The following TSC22D1 variants were observed in gnomAD, a reference collection of about 807,000 sequenced individuals.
The protein encoded by TSC22D1 is TSC22 domain family protein 1.
TSC22D1 carries 9 observed loss-of-function variants against 74.2 expected under a neutral mutation model. The ratio of observed to expected loss-of-function variants is 0.12; its 90% CI spans 0.07 to 0.21. The LOEUF (loss-of-function observed/expected upper bound fraction) is 0.21, where lower values mean the gene tolerates loss of function less well. TSC22D1 is among the 10% of genes least tolerant of loss of function. The probability of loss-of-function intolerance (pLI) is 1.00; values close to 1 mark genes in which losing one functional copy is unlikely to be tolerated. For synonymous variants in TSC22D1, 586 were observed against 492.5 expected (o/e 1.19, Z -2.51); for missense variants, 1,427 against 1,304.7 (o/e 1.09, Z -1.44).
In TSC22D1 at chr13:44,550,437, C is replaced by A. The variant is rs552629372; in HGVS notation, c.2912+22726G>T. On this transcript the variant is annotated intron_variant, in intron 1 of 2. Coordinates refer to ENST00000458659, the MANE Select transcript of TSC22D1 (RefSeq NM_183422.4). The stretch of plus-strand genomic sequence containing the variant: ...TCTCTACTAAAAATACAAAAATTAG[C>A]CAGGTGTGGTGGCGCATGCCTGTAA... 7.2e-5 allele frequency among the ~76,000 whole-genome samples: 11 copies of A among 151,994 alleles called. No individual in the cohort carries two copies. The East Asian group carries it at 2.1e-3, about 29-fold the overall frequency.
intron 1 of TSC22D1, among the ~76,000 whole-genome samples, chr13:44,564,204 A>G (rs1883221400): frequency 6.6e-6 from 1 of 152,206 alleles, no homozygotes; most frequent in Non-Finnish European, 1.5e-5. Flanking sequence ...TCTTATGACA[A>G]TATTAACAGT....
At chr13:44,473,192 A>C (rs1877704240) in intron 1 of TSC22D1, among the ~76,000 whole-genome samples, 1 of 152,208 alleles carries the variant, frequency 6.6e-6, no homozygotes, top group Non-Finnish European at 1.5e-5. Flanking sequence ...TTTTACATTC[A>C]TTTAAAACTA....
At chr13:44,478,730 G>GT (rs1404445963) in intron 1 of TSC22D1, among the ~76,000 whole-genome samples, 2 of 152,002 alleles carry the variant, frequency 1.3e-5, no homozygotes, top group African/African-American at 4.8e-5. Flanking sequence ...CTCTACCACG[G>GT]TATCTAGTTT....
rs1179726830 is a variant in TSC22D1, at chr13:44,574,596, A to G, written c.1479T>C (p.Thr493=). ...GCTGCTGCTGCTGCTGCACCACCAC[A>G]GTAGGGGCTCCCATCTCTCCACTTC... ...SVGSGEMGAP[T]VVVQQQQQQQ... is the part of the protein sequence containing the mutation. The change falls in exon 1 of 3, where the codon ACT becomes ACC. Residue 493 remains threonine (T), a synonymous_variant. Coordinates refer to ENST00000458659, the MANE Select transcript of TSC22D1 (RefSeq NM_183422.4). 3 of 1,613,936 alleles carry G rather than the reference A, an allele frequency of 1.9e-6. No homozygotes were observed. The highest frequency in any genetic ancestry group is 2.7e-5 in the African/African-American group (2 of 74,896).
intron 1 of TSC22D1, among the ~76,000 whole-genome samples, chr13:44,506,408 C>T (rs781331217): frequency 1.3e-5 from 2 of 152,114 alleles, no homozygotes; most frequent in African/African-American, 2.4e-5. Flanking sequence ...CGCATGTTCT[C>T]GCTTATAAGT....
intron 1 of TSC22D1, among the ~76,000 whole-genome samples, chr13:44,544,219 A>T (rs1356820970): frequency 1.3e-5 from 2 of 152,230 alleles, no homozygotes; most frequent in African/African-American, 2.4e-5. Context: ...AGATGATACA[A>T]ATGTTAGCCA....
intron 1 of TSC22D1, among the ~76,000 whole-genome samples, chr13:44,467,881 C>A (rs575195341): frequency 5.3e-5 from 8 of 152,046 alleles, no homozygotes; most frequent in African/African-American, 1.4e-4. Context: ...TCCAGCAATC[C>A]CACTACTGGG....
chr13:44,522,352 G>A (rs1468956551), intron 1 of TSC22D1, among the ~76,000 whole-genome samples: 1 of 152,132 alleles, frequency 6.6e-6, no homozygotes, highest in African/African-American at 2.4e-5. Context: ...ATAAAGGAAA[G>A]CAATTAGATA....
intron 1 of TSC22D1, among the ~76,000 whole-genome samples, chr13:44,547,158 C>T (rs929882716): frequency 6.6e-6 from 1 of 152,016 alleles, no homozygotes; most frequent in African/African-American, 2.4e-5. Flanking sequence ...GTTCCATACT[C>T]GACACGCCTA....
intron 1 of TSC22D1, among the ~76,000 whole-genome samples, chr13:44,464,059 A>G (rs1255153398): frequency 6.6e-6 from 1 of 152,180 alleles, no homozygotes; most frequent in African/African-American, 2.4e-5. Flanking sequence ...TGACCTCATG[A>G]GAGACCCTGA....
In TSC22D1 at chr13:44,435,887, T is replaced by TAG. The variant is rs1267951511; in HGVS notation, c.2964+156_2964+157insCT. The TAG allele has an allele frequency of 3.9e-6, 3 of 774,236 alleles. No homozygotes were observed. The Admixed American group carries it at 6.5e-5, about 17-fold the overall frequency. The allele number at this position is 774,236 out of a possible 1,614,324, so 48.0% of individuals were successfully genotyped here. A position where few individuals can be genotyped will look rare whatever the true frequency, so the allele number is the denominator to read the frequency against. On this transcript the variant is annotated intron_variant, in intron 2 of 2. Transcript: ENST00000458659. ...CTCCCTCCACGGCTGCCGTGGTAGG[T>TAG]GGCTCCACGCTGGCCGAATGGAGAC... is the stretch of plus-strand genomic sequence containing the variant.
At chr13:44,434,938 T>C (rs1482264385) in intron 2 of TSC22D1, 55 bp from the exon 3 acceptor site, 13 of 1,473,796 alleles carry the variant, frequency 8.8e-6, no homozygotes, top group Admixed American at 2.0e-5. Flanking sequence ...CTGGACTCTT[T>C]TGAGTTTCCA....
intron 1 of TSC22D1, among the ~76,000 whole-genome samples, chr13:44,483,366 T>G (rs1878271068): frequency 6.6e-6 from 1 of 152,136 alleles, no homozygotes; most frequent in South Asian, 2.1e-4. Flanking sequence ...ATTGCTACTT[T>G]AACAAGAATT....
chr13:44,456,223 A>C (rs1301264880), intron 1 of TSC22D1, among the ~76,000 whole-genome samples: 7 of 152,166 alleles, frequency 4.6e-5, no homozygotes, highest in Non-Finnish European at 1.0e-4. Context: ...TAAAACAACA[A>C]AGCTTCCACG....
In TSC22D1 at chr13:44,575,739, C is replaced by G; in HGVS notation, c.336G>C (p.Gln112His). The change falls in exon 1 of 3, where the codon CAG becomes CAC. Residue 112 changes from glutamine (Q) to histidine (H), a missense_variant. Gln to His is a conservative substitution (Grantham distance 24). Coordinates refer to ENST00000458659, the MANE Select transcript of TSC22D1 (RefSeq NM_183422.4). Reference protein sequence around the residue: ...GTQMKKKSGFQITSVTPAQIS... With the variant: ...GTQMKKKSGFHITSVTPAQIS... ...TCTGAGCAGGAGTAACGCTAGTTAT[C>G]TGGAAGCCACTTTTCTTTTTCATTT... 3 of 1,614,206 alleles carry G rather than the reference C, an allele frequency of 1.9e-6. No homozygotes were observed. Among genetic ancestry groups the G allele is most frequent in the Non-Finnish European group, 2.5e-6 (3 of 1,180,036 alleles).
chr13:44,503,215 TA>T (rs1220062904), intron 1 of TSC22D1, among the ~76,000 whole-genome samples: 1 of 152,158 alleles, frequency 6.6e-6, no homozygotes, highest in East Asian at 1.9e-4. Context: ...ATATCACCAA[TA>T]ATTTTCAAGT....
chr13:44,524,762 C>G (rs867465702), intron 1 of TSC22D1, among the ~76,000 whole-genome samples: 1 of 152,194 alleles, frequency 6.6e-6, no homozygotes, highest in South Asian at 2.1e-4. Context: ...TGGTCTCAAA[C>G]CCCTGACTTC....
chr13:44,493,118 TG>T (rs2137962914), intron 1 of TSC22D1, among the ~76,000 whole-genome samples: 1 of 152,324 alleles, frequency 6.6e-6, no homozygotes, highest in Non-Finnish European at 1.5e-5. Flanking sequence ...ATCTGAACGC[TG>T]GAAAATAGTC....
chr13:44,432,672 G>A lies in TSC22D1; in HGVS notation c.*1954C>T, dbSNP rs897855947. 3.9e-5 allele frequency: 6 copies of A among 152,120 alleles called. No individual in the cohort carries two copies. Among genetic ancestry groups the A allele is most frequent in the Non-Finnish European group, 8.8e-5 (6 of 68,024 alleles). The allele number at this position is 152,120 out of a possible 1,614,324, so 9.4% of individuals were successfully genotyped here. A position where few individuals can be genotyped will look rare whatever the true frequency, so the allele number is the denominator to read the frequency against. The stretch of plus-strand genomic sequence containing the variant: ...AATCTCCCACCAGCTCTAGATGAGA[G>A]AAATGAATGATTCAGAAAGTTTGTC... On this transcript the variant is annotated 3_prime_UTR_variant, in exon 3 of 3. Coordinates refer to ENST00000458659, the MANE Select transcript of TSC22D1 (RefSeq NM_183422.4).
Sources: gnomAD v4.1 joint callset for allele counts (sites outside exome capture counted in the v4.1 genomes callset) on GRCh38, gnomAD v4.1.1 for gene constraint, MANE v1.5 for transcripts, NCBI Gene and HGNC (gene_info 2026-07-23, HGNC 2026-07-21) for gene names.